Variants in KDM5A observed in about 807,000 individuals in gnomAD.
KDM5A encodes the protein lysine-specific demethylase 5A.
In KDM5A, 42 loss-of-function variants were observed where a neutral mutation model predicts 193.5. The observed-to-expected ratio is 0.22, with a 90% CI of 0.17 to 0.28. The LOEUF (loss-of-function observed/expected upper bound fraction) is 0.28. KDM5A is among the 10% of genes least tolerant of loss of function. The pLI is 1.00. For synonymous variants in KDM5A, 796 were observed against 718.1 expected, an observed-to-expected ratio of 1.11 and a Z score of -1.73; for missense variants, 1,692 against 2,055.1, an observed-to-expected ratio of 0.82 and a Z score of 3.42.
intron 11 of KDM5A, 65 bp from the exon 12 acceptor site, chr12:333,714 T>G: frequency 2.9e-6 from 4 of 1,400,770 alleles, no homozygotes; most frequent in Non-Finnish European, 4.1e-6. Flanking sequence ...GGTATCTGAT[T>G]CCAATCCACC....
At chr12:379,033 T>G (rs1347475038) in intron 3 of KDM5A, among the ~76,000 whole-genome samples, 5 of 151,982 alleles carry the variant, frequency 3.3e-5, no homozygotes, top group Admixed American at 6.6e-5. Context: ...ATACTTTTTA[T>G]TATCAAAAAT....
intron 19 of KDM5A, among the ~76,000 whole-genome samples, chr12:315,498 T>C (rs1273179868): frequency 6.6e-6 from 1 of 152,152 alleles, no homozygotes; most frequent in Non-Finnish European, 1.5e-5. Flanking sequence ...TGCTTGAGCC[T>C]TGGGCAGTGG....
intron 19 of KDM5A, among the ~76,000 whole-genome samples, chr12:317,890 A>G (rs1486613294): frequency 2.0e-5 from 3 of 152,206 alleles, no homozygotes; most frequent in African/African-American, 7.2e-5. Flanking sequence ...CTGCCAAAGC[A>G]GGGAGAGAGG....
chr12:294,885 C>T (rs556071800), intron 26 of KDM5A, among the ~76,000 whole-genome samples: 7 of 152,308 alleles, frequency 4.6e-5, no homozygotes, highest in African/African-American at 1.7e-4. Context: ...CTCTTCAAGA[C>T]AGTGGTGAGG....
chr12:313,394 A>G (rs1422410236), intron 19 of KDM5A, among the ~76,000 whole-genome samples, 200 bp from the exon 20 acceptor site: 2 of 152,196 alleles, frequency 1.3e-5, no homozygotes, highest in Non-Finnish European at 2.9e-5. Context: ...TATAAACATA[A>G]GTTTATAATA....
Position 334,414 on chromosome 12 carries a change from T to G in KDM5A, c.1317A>C (p.Ala439=), listed in dbSNP as rs1438248460. 6.2e-6 allele frequency: 10 copies of G among 1,613,020 alleles called. No individual in the cohort carries two copies. Among genetic ancestry groups the G allele is most frequent in the Admixed American group, 1.7e-5 (1 of 59,998 alleles). ...RKILPEEEEY[A]LSGWNLNNMP... is the part of the protein sequence containing the mutation. ...TGTTATTCAAATTCCAACCAGAAAG[T>G]GCATATTCCTATAAGAGAAGAAAAA... The change falls in exon 11 of 28, where the codon GCA becomes GCC. Residue 439 remains alanine, a synonymous_variant. Coordinates refer to ENST00000399788, the MANE Select transcript of KDM5A (RefSeq NM_001042603.3).
At position 322,981 on chromosome 12, in the gene KDM5A, G is replaced by A. The variant is rs1464249886; in HGVS notation, c.2275+101C>T. 4 of 1,484,148 alleles carry A rather than the reference G, an allele frequency of 2.7e-6. No individual in the cohort carries two copies. In the East Asian group the frequency reaches 6.8e-5, roughly 25 times the overall value. 91.9% of individuals were successfully genotyped at this position (1,484,148 alleles called of 1,614,324 possible). A position where few individuals can be genotyped will look rare whatever the true frequency, so the allele number is the denominator to read the frequency against. ...AATCTCAAATCTCATAGGAAGCCTA[G>A]GATTTTTCTTTTACGGAAGGAAAAA... On this transcript the variant is annotated intron_variant, in intron 16 of 27. Coordinates refer to ENST00000399788, the MANE Select transcript of KDM5A (RefSeq NM_001042603.3).
chr12:290,087 C>G (rs1263680479), intron 27 of KDM5A, among the ~76,000 whole-genome samples: 1 of 152,004 alleles, frequency 6.6e-6, no homozygotes, highest in Non-Finnish European at 1.5e-5. Flanking sequence ...TTCTGAGTAG[C>G]TGGGACTACC....
intron 8 of KDM5A, among the ~76,000 whole-genome samples, chr12:352,703 G>A (rs1944178603): frequency 6.6e-6 from 1 of 152,190 alleles, no homozygotes; most frequent in Admixed American, 6.5e-5. Context: ...GGAAGGAAAG[G>A]TAATGGATAA....
rs1565543281 is a variant in KDM5A at position 352,364 on chromosome 12, A to G, written c.1030-40T>C. ...TATGTAAGATTAACTTACTGAAACT[A>G]AACTGAAGAAAGCTTTAAGGCTCTT... On this transcript the variant is annotated intron_variant, in intron 8 of 27. Coordinates refer to ENST00000399788, the MANE Select transcript of KDM5A (RefSeq NM_001042603.3). 1.9e-6 allele frequency: 3 copies of G among 1,586,096 alleles called. No individual in the cohort carries two copies. In the East Asian group the frequency reaches 6.7e-5, roughly 35 times the overall value.
chr12:313,826 G>C (rs1224342674), intron 19 of KDM5A, among the ~76,000 whole-genome samples: 1 of 152,160 alleles, frequency 6.6e-6, no homozygotes, highest in Non-Finnish European at 1.5e-5. Context: ...GGAGAGTTGA[G>C]AAAGGCTTTG....
intron 18 of KDM5A, 72 bp downstream of exon 18, chr12:320,923 C>A: frequency 9.5e-7 from 1 of 1,050,428 alleles, no homozygotes; most frequent in South Asian, 1.3e-5. Context: ...TTAGATATAC[C>A]ATTCTGTGAA....
intron 19 of KDM5A, among the ~76,000 whole-genome samples, 194 bp from the exon 20 acceptor site, chr12:313,388 A>G (rs1161396170): frequency 6.6e-6 from 1 of 152,222 alleles, no homozygotes; most frequent in African/African-American, 2.4e-5. Context: ...AAAAGGTATA[A>G]ACATAAGTTT....
At chr12:353,423 T>C (rs1257585851) in intron 8 of KDM5A, among the ~76,000 whole-genome samples, 1 of 152,210 alleles carries the variant, frequency 6.6e-6, no homozygotes, top group East Asian at 1.9e-4. Flanking sequence ...GTTCTACAGC[T>C]TCATGTCTAG....
Position 316,493 on chromosome 12 carries a change from C to T in KDM5A, c.2897+1613G>A, listed in dbSNP as rs190960239. ...GAATTTGAAAGAGAGATATGAAAGA[C>T]ATGTTGGAGACAGAGTCATCAGAAC... On this transcript the variant is annotated intron_variant, in intron 19 of 27. Transcript: ENST00000399788. Among the ~76,000 whole-genome samples, 17 of 152,208 alleles carry T rather than the reference C, an allele frequency of 1.1e-4. No homozygotes were observed. In the East Asian group the frequency reaches 3.3e-3, roughly 29 times the overall value.
intron 20 of KDM5A, among the ~76,000 whole-genome samples, chr12:311,692 G>C (rs1943588168): frequency 6.6e-6 from 1 of 151,816 alleles, no homozygotes; most frequent in African/African-American, 2.4e-5. Context: ...AAGAAACAGG[G>C]GCAGCTAAGC....
chr12:312,686 T>G (rs1316954681), intron 20 of KDM5A, among the ~76,000 whole-genome samples: 1 of 152,192 alleles, frequency 6.6e-6, no homozygotes, highest in African/African-American at 2.4e-5. Flanking sequence ...ATATTGTAAT[T>G]TGAAAATGCA....
chr12:385,178 C>A (rs1245293855), intron 2 of KDM5A, among the ~76,000 whole-genome samples: 2 of 132,564 alleles, frequency 1.5e-5, no homozygotes, highest in African/African-American at 5.8e-5. Context: ...GCAAGACTCT[C>A]TGGAAAAAAA....
At chr12:357,104 G>A (rs1424283836) in intron 5 of KDM5A, among the ~76,000 whole-genome samples, 1 of 152,024 alleles carries the variant, frequency 6.6e-6, no homozygotes, top group East Asian at 1.9e-4. Flanking sequence ...ACACAGGGGA[G>A]ACCCCATCTC....
Sources: allele counts gnomAD v4.1 joint callset (sites outside exome capture counted in the v4.1 genomes callset), GRCh38; gene constraint gnomAD v4.1.1; transcripts MANE v1.5; gene names NCBI Gene and HGNC (gene_info 2026-07-23, HGNC 2026-07-21).